The following DTNB variants were observed in gnomAD, a reference collection of about 807,000 sequenced individuals.
The protein encoded by DTNB is dystrobrevin beta, also known as DTN-B.
In DTNB, 63 loss-of-function variants were observed where a neutral mutation model predicts 90.7. That is an observed-to-expected ratio of 0.69 (90% CI 0.57 to 0.86). DTNB has a LOEUF of 0.86. Among genes scored for constraint, DTNB ranks in the 40% least tolerant of loss-of-function variants. The pLI is 0.00. For synonymous variants in DTNB, 277 were observed against 286.7 expected, an observed-to-expected ratio of 0.97 and a Z score of 0.34; for missense variants, 744 against 807.1, an observed-to-expected ratio of 0.92 and a Z score of 0.95.
chr2:25,538,901 A>C (rs556751098), intron 8 of DTNB, among the ~76,000 whole-genome samples: 11 of 152,312 alleles, frequency 7.2e-5, no homozygotes, highest in African/African-American at 1.7e-4. Context: ...CTCTCCTGAT[A>C]ATCACTATCC....
Position 25,585,239 on chromosome 2 carries a change from G to A in DTNB, c.604-4413C>T, listed in dbSNP as rs544504311. ...TTTCTACATACTTGTGAACAGAATAGATATGAATACATCATCTGTTTTTTC... is the reference window on the plus strand; with the variant it reads ...TTTCTACATACTTGTGAACAGAATAAATATGAATACATCATCTGTTTTTTC... On this transcript the variant is annotated intron_variant, in intron 6 of 20. Transcript: ENST00000406818. 2.0e-5 allele frequency among the ~76,000 whole-genome samples: 3 copies of A among 152,182 alleles called. No homozygotes were observed. In the East Asian group the frequency reaches 5.8e-4, roughly 29 times the overall value.
intron 4 of DTNB, 82 bp downstream of exon 4, chr2:25,628,089 A>G (rs2074777169): frequency 6.8e-7 from 1 of 1,465,950 alleles, no homozygotes; most frequent in Admixed American, 1.8e-5. Context: ...AAGGCAACTT[A>G]GCACGGCAGT....
intron 10 of DTNB, among the ~76,000 whole-genome samples, chr2:25,482,559 T>C (rs6751254): frequency 0.42 from 63,830 of 151,864 alleles, 14,298 homozygotes; most frequent in Non-Finnish European, 0.51. Context: ...CAAATGAAGT[T>C]TCCACCTGAG....
intron 16 of DTNB, among the ~76,000 whole-genome samples, chr2:25,416,736 GT>G (rs946280984): frequency 6.6e-6 from 1 of 151,420 alleles, no homozygotes; most frequent in Non-Finnish European, 1.5e-5. Flanking sequence ...CCCATTTAGG[GT>G]AAGACATTTT....
intron 8 of DTNB, among the ~76,000 whole-genome samples, chr2:25,575,452 C>T (rs958866451): frequency 5.9e-5 from 9 of 151,672 alleles, no homozygotes; most frequent in Non-Finnish European, 1.3e-4. Flanking sequence ...ATTCACAACA[C>T]AACAAGACCC....
Position 25,387,448 on chromosome 2 carries a change from C to A in DTNB, c.1736-70G>T. The A allele has an allele frequency of 6.8e-7, 1 of 1,460,256 alleles. No individual in the cohort carries two copies. The highest frequency in any genetic ancestry group is 1.2e-5 in the South Asian group (1 of 84,022). The allele number at this position is 1,460,256 out of a possible 1,614,324, so 90.5% of individuals were successfully genotyped here. A position where few individuals can be genotyped will look rare whatever the true frequency, so the allele number is the denominator to read the frequency against. Reference sequence around the variant, plus strand: ...TGGAGAAGAGACGGCTGAGCAAATGCCTCAGTTCTGCCAGGCCCGAGAACA... The same window carrying A: ...TGGAGAAGAGACGGCTGAGCAAATGACTCAGTTCTGCCAGGCCCGAGAACA... On this transcript the variant is annotated intron_variant, in intron 17 of 20. Coordinates refer to ENST00000406818, the MANE Select transcript of DTNB (RefSeq NM_021907.5). This position sits in a 1 kb window ranked among gnomAD's most constrained non-coding sequence, Gnocchi z 4.5.
rs1339250655 is a variant in DTNB, at chr2:25,433,892, C to G, written c.1343+18G>C. ...TAATCCTGGACTCTGGAAGTGGGCT[C>G]AGCCTCTGCGTTCTTACCTGTTTTT... On this transcript the variant is annotated intron_variant, in intron 13 of 20. Transcript: ENST00000406818. 1.9e-6 allele frequency: 3 copies of G among 1,613,102 alleles called. 1 individual carries two copies.
chr2:25,544,777 AATTAGTAATTATT>A (rs1238596449), intron 8 of DTNB, among the ~76,000 whole-genome samples: 5 of 152,236 alleles, frequency 3.3e-5, no homozygotes, highest in Non-Finnish European at 7.4e-5. Context: ...AGCTCACCAA[AATTAGTAATTATT>A]ATTTATACCT....
chr2:25,597,233 G>C (rs1291329182), intron 5 of DTNB, among the ~76,000 whole-genome samples: 1 of 151,888 alleles, frequency 6.6e-6, no homozygotes, highest in African/African-American at 2.4e-5. Context: ...TGGGAGGCTG[G>C]GGTGGGAGGA....
chr2:25,537,044 T>C (rs476731), intron 8 of DTNB, among the ~76,000 whole-genome samples: 38,329 of 152,014 alleles, frequency 0.25, 5,192 homozygotes, highest in East Asian at 0.51. Flanking sequence ...CCTGGCCCCA[T>C]ACTGCAATTT....
At chr2:25,667,179 A>C (rs2084650932) in intron 1 of DTNB, among the ~76,000 whole-genome samples, 1 of 151,666 alleles carries the variant, frequency 6.6e-6, no homozygotes, top group South Asian at 2.1e-4. Context: ...AATCAAAAGC[A>C]CTCACTCTGA....
At position 25,631,979 on chromosome 2, in the gene DTNB, G is replaced by C. The variant is rs144287548; in HGVS notation, c.149-3595C>G. ...GGAGGCCGAGGTGGGTGGATCACTTGAGGTCAGGAGTTCAAGACCAGCCTG... is the reference window on the plus strand; with the variant it reads ...GGAGGCCGAGGTGGGTGGATCACTTCAGGTCAGGAGTTCAAGACCAGCCTG... On this transcript the variant is annotated intron_variant, in intron 3 of 20. Transcript: ENST00000406818. Among the ~76,000 whole-genome samples the C allele has an allele frequency of 2.4e-3, 361 of 152,236 alleles. 1 individual carries two copies. The highest frequency in any genetic ancestry group is 7.1e-3 in the African/African-American group (295 of 41,546).
At chr2:25,648,865 C>A (rs2080121697) in intron 2 of DTNB, among the ~76,000 whole-genome samples, 1 of 152,030 alleles carries the variant, frequency 6.6e-6, no homozygotes, top group Non-Finnish European at 1.5e-5. Context: ...CATATCAGTT[C>A]TTTCACCTTT....
intron 8 of DTNB, among the ~76,000 whole-genome samples, chr2:25,574,874 GACTT>G (rs1411516405): frequency 1.4e-4 from 21 of 152,098 alleles, no homozygotes; most frequent in African/African-American, 5.1e-4. Flanking sequence ...ATGCAAATAA[GACTT>G]AGTTCACAAT....
chr2:25,576,286 C>A (rs1033504523), intron 8 of DTNB, among the ~76,000 whole-genome samples: 1 of 135,170 alleles, frequency 7.4e-6, no homozygotes, highest in African/African-American at 2.8e-5. Context: ...AGTGCAGTGG[C>A]GCAATCTCGG....
intron 8 of DTNB, among the ~76,000 whole-genome samples, chr2:25,533,043 G>A (rs1227686202): frequency 6.6e-6 from 1 of 152,096 alleles, no homozygotes; most frequent in Non-Finnish European, 1.5e-5. Flanking sequence ...GGAAAACTTG[G>A]TCAGGCACAG....
At chr2:25,655,749 T>C (rs1370218710) in intron 1 of DTNB, among the ~76,000 whole-genome samples, 1 of 152,110 alleles carries the variant, frequency 6.6e-6, no homozygotes, top group Non-Finnish European at 1.5e-5. Flanking sequence ...ATATCCCCTA[T>C]CCCCTACCAG....
intron 8 of DTNB, among the ~76,000 whole-genome samples, chr2:25,557,388 G>A (rs955859306): frequency 3.3e-5 from 5 of 152,084 alleles, no homozygotes; most frequent in Non-Finnish European, 7.4e-5. Context: ...TCGCTACACC[G>A]GACACATCAC....
chr2:25,557,387 C>G (rs557018613), intron 8 of DTNB, among the ~76,000 whole-genome samples: 1 of 152,120 alleles, frequency 6.6e-6, no homozygotes, highest in Non-Finnish European at 1.5e-5. Flanking sequence ...ATCGCTACAC[C>G]GGACACATCA....
Sources: allele counts gnomAD v4.1 joint callset (sites outside exome capture counted in the v4.1 genomes callset), GRCh38; gene constraint gnomAD v4.1.1; non-coding constraint Gnocchi (gnomAD v3.1); transcripts MANE v1.5; gene names NCBI Gene and HGNC (gene_info 2026-07-23, HGNC 2026-07-21).